The following ADAMTS18 variants were observed in gnomAD, a reference collection of about 807,000 sequenced individuals.
ADAMTS18 encodes A disintegrin and metalloproteinase with thrombospondin motifs 18.
In ADAMTS18, 157 loss-of-function variants were observed where a neutral mutation model predicts 165.9. The ratio of observed to expected loss-of-function variants is 0.95; its 90% CI spans 0.83 to 1.08. ADAMTS18 has a LOEUF of 1.08. ADAMTS18 is among the 50% of genes least tolerant of loss of function. The probability of loss-of-function intolerance (pLI) is 0.00; values close to 1 mark genes in which losing one functional copy is unlikely to be tolerated. For synonymous variants in ADAMTS18, 782 were observed against 578.2 expected (o/e 1.35, Z -5.06); for missense variants, 2,040 against 1,534.0 (o/e 1.33, Z -5.51).
intron 3 of ADAMTS18, among the ~76,000 whole-genome samples, chr16:77,412,688 G>T (rs942575185): frequency 6.6e-6 from 1 of 152,144 alleles, no homozygotes; most frequent in Non-Finnish European, 1.5e-5. Flanking sequence ...AAGAGAGAAT[G>T]AGAACCAATG....
At chr16:77,378,347 A>C (rs934074792) in intron 3 of ADAMTS18, among the ~76,000 whole-genome samples, 2 of 56,988 alleles carry the variant, frequency 3.5e-5, no homozygotes, top group Non-Finnish European at 8.3e-5. Context: ...AAACAAAAAA[A>C]AACAAAAAAA....
intron 8 of ADAMTS18, among the ~76,000 whole-genome samples, chr16:77,358,510 C>T (rs187180912): frequency 1.3e-5 from 2 of 152,086 alleles, no homozygotes; most frequent in South Asian, 2.1e-4. Context: ...TGCAGCGAGC[C>T]GAGATCGTGC....
intron 3 of ADAMTS18, among the ~76,000 whole-genome samples, chr16:77,402,527 G>A (rs116232496): frequency 0.01 from 1,523 of 152,216 alleles, 26 homozygotes; most frequent in African/African-American, 0.033. Context: ...ACTTGTAAGC[G>A]GTGGCCGAGA....
chr16:77,329,102 C>G (rs1456052371), intron 12 of ADAMTS18, among the ~76,000 whole-genome samples: 1 of 151,322 alleles, frequency 6.6e-6, no homozygotes, highest in Admixed American at 6.6e-5. Flanking sequence ...GGGAGATTCT[C>G]TCTTTTTTTT....
At chr16:77,334,185 TAGTGTTATATATTAC>T (rs1235395854) in intron 12 of ADAMTS18, among the ~76,000 whole-genome samples, 2 of 30,058 alleles carry the variant, frequency 6.7e-5, no homozygotes, top group African/African-American at 2.2e-4. Context: ...ATATAATATA[TAGTGTTATATATTAC>T]ATATAATATA....
chr16:77,289,604 G>C (rs2055324327), intron 21 of ADAMTS18, 193 bp from the exon 22 acceptor site: 1 of 670,706 alleles, frequency 1.5e-6, no homozygotes, highest in South Asian at 1.9e-5. Context: ...CTGATTAGAA[G>C]GGTTTTAGGC....
intron 16 of ADAMTS18, among the ~76,000 whole-genome samples, chr16:77,305,461 A>G (rs1224600758): frequency 6.6e-6 from 1 of 152,212 alleles, no homozygotes; most frequent in Non-Finnish European, 1.5e-5. Context: ...ATTGTTTGAA[A>G]AAATTAAGAA....
chr16:77,313,702 G>A (rs769685218), intron 16 of ADAMTS18, among the ~76,000 whole-genome samples: 4 of 152,086 alleles, frequency 2.6e-5, no homozygotes, highest in Non-Finnish European at 5.9e-5. Flanking sequence ...CCCTATTCAG[G>A]TTCACTTTCA....
rs1043434349 is a variant in ADAMTS18 at position 77,335,874 on chromosome 16, C to A, written c.1741G>T (p.Gly581Trp). 3.1e-6 allele frequency: 5 copies of A among 1,614,068 alleles called. No homozygotes were observed. Among genetic ancestry groups the A allele is most frequent in the Non-Finnish European group, 4.2e-6 (5 of 1,180,036 alleles). Residue 581 changes from glycine to tryptophan, a missense_variant, in exon 12 of 23, where the codon GGG (glycine) becomes TGG (tryptophan). Physicochemically the swap from Gly to Trp is radical, Grantham distance 184. Coordinates refer to ENST00000282849, the MANE Select transcript of ADAMTS18 (RefSeq NM_199355.4). ...TGGATGGGCCGGGGCCCGAGCTCCC[C>A]AAACTTTACGCACTGGCCTTGCCGA... ...WCRQGQCVKFGELGPRPIHGQ... is the reference protein window; with the variant it reads ...WCRQGQCVKFWELGPRPIHGQ...
At chr16:77,415,535 C>A (rs1428840) in intron 3 of ADAMTS18, among the ~76,000 whole-genome samples, 1 of 151,774 alleles carries the variant, frequency 6.6e-6, no homozygotes, top group Admixed American at 6.6e-5. Context: ...TTATTGGCAC[C>A]GATCTTGTTG....
In ADAMTS18 at chr16:77,294,974, G is replaced by C; in HGVS notation, c.2955C>G (p.Ala985=). The C allele has an allele frequency of 1.2e-6, 2 of 1,614,158 alleles. No homozygotes were observed. Among genetic ancestry groups the C allele is most frequent in the South Asian group, 1.1e-5 (1 of 91,076 alleles). ...CPVSTPTQVQ[A]CNSHACPPQW... The stretch of plus-strand genomic sequence containing the variant: ...GTGGAGGGCAGGCATGGCTGTTGCA[G>C]GCTTGGACCTGAGTGGGTGTGCTCA... Residue 985 remains alanine, a synonymous_variant, in exon 19 of 23, where the codon GCC becomes GCG. Coordinates refer to ENST00000282849, the MANE Select transcript of ADAMTS18 (RefSeq NM_199355.4).
At chr16:77,403,990 A>C (rs1425043295) in intron 3 of ADAMTS18, among the ~76,000 whole-genome samples, 1 of 130,506 alleles carries the variant, frequency 7.7e-6, no homozygotes, top group African/African-American at 2.8e-5. Context: ...ACTGGAAGCA[A>C]CCCACCCTTC....
At chr16:77,352,580 G>T (rs2056571101) in intron 10 of ADAMTS18, among the ~76,000 whole-genome samples, 1 of 152,266 alleles carries the variant, frequency 6.6e-6, no homozygotes, top group South Asian at 2.1e-4. Flanking sequence ...CTTATGTGGG[G>T]CACAGGCTCA....
At chr16:77,328,938 C>T (rs1013383144) in intron 12 of ADAMTS18, among the ~76,000 whole-genome samples, 15 of 152,162 alleles carry the variant, frequency 9.9e-5, no homozygotes, top group Admixed American at 8.5e-4. Flanking sequence ...GAAACAGAGA[C>T]GAGCTCAAGC....
At chr16:77,296,879 G>T (rs544498267) in intron 18 of ADAMTS18, among the ~76,000 whole-genome samples, 3 of 152,246 alleles carry the variant, frequency 2.0e-5, no homozygotes, top group African/African-American at 7.2e-5. Flanking sequence ...CTTTTAAATA[G>T]CCAGTAAATT....
chr16:77,291,224 A>G lies in ADAMTS18; in HGVS notation c.3402+42T>C, dbSNP rs755536502. On this transcript the variant is annotated intron_variant, in intron 21 of 22. Transcript: ENST00000282849. Reference sequence around the variant, plus strand: ...TTTGCAGAACGCCTCATTTTTCGACATCTCACTTGAATAGACACCTCCTCA... The same window carrying G: ...TTTGCAGAACGCCTCATTTTTCGACGTCTCACTTGAATAGACACCTCCTCA... 3.1e-6 allele frequency: 5 copies of G among 1,608,146 alleles called. No homozygotes were observed. In the South Asian group the frequency reaches 4.4e-5, roughly 14 times the overall value.
In ADAMTS18 at chr16:77,289,396, C is replaced by A. The variant is rs751775332; in HGVS notation, c.3418G>T (p.Gly1140Trp). The A allele has an allele frequency of 1.7e-5, 28 of 1,613,944 alleles. No individual in the cohort carries two copies. The highest frequency in any genetic ancestry group is 1.5e-4 in the Admixed American group (9 of 60,000). Residue 1140 changes from glycine (G) to tryptophan (W), a missense_variant, in exon 22 of 23, where the codon GGG becomes TGG. Physicochemically the swap from Gly to Trp is radical, Grantham distance 184 (BLOSUM62 -2). Transcript: ENST00000282849. ...ACTGACCGGGTCTGGACCCCTCCCCCACAGGTGACTGTGCACTGCAGCAGA... is the reference window on the plus strand; with the variant it reads ...ACTGACCGGGTCTGGACCCCTCCCCAACAGGTGACTGTGCACTGCAGCAGA... ...LPWQQCTVTCGGGVQTRSVHC... is the reference protein window; with the variant it reads ...LPWQQCTVTCWGGVQTRSVHC...
chr16:77,333,405 T>A (rs1038664705), intron 12 of ADAMTS18, among the ~76,000 whole-genome samples: 2 of 151,472 alleles, frequency 1.3e-5, no homozygotes, highest in African/African-American at 4.9e-5. Context: ...CAAACCACCA[T>A]GGCGCTATAT....
At chr16:77,371,819 A>G (rs561206361) in intron 3 of ADAMTS18, among the ~76,000 whole-genome samples, 10 of 152,314 alleles carry the variant, frequency 6.6e-5, no homozygotes, top group African/African-American at 2.4e-4. Context: ...GAAACAATCA[A>G]TAGACTAAGG....
Sources: allele counts gnomAD v4.1 joint callset (sites outside exome capture counted in the v4.1 genomes callset), GRCh38; gene constraint gnomAD v4.1.1; transcripts MANE v1.5; gene names NCBI Gene and HGNC (gene_info 2026-07-23, HGNC 2026-07-21).